The following ZNHIT3 variants were observed in gnomAD, a reference collection of about 807,000 sequenced individuals.
The protein encoded by ZNHIT3 is zinc finger HIT domain-containing protein 3.
Under a neutral mutation model 19.9 loss-of-function variants are expected in ZNHIT3, and 27 were observed. The observed-to-expected ratio is 1.36, with a 90% CI of 1.00 to 1.87. The LOEUF (loss-of-function observed/expected upper bound fraction) is 1.87. Ranked by LOEUF, ZNHIT3 falls within the 40% of genes most tolerant of loss-of-function variation. ZNHIT3 has a pLI of 0.00. For synonymous variants in ZNHIT3, 81 were observed against 65.7 expected (o/e 1.23, Z -1.13); for missense variants, 215 against 185.6 (o/e 1.16, Z -0.92).
At chr17:36,490,339 T>G (rs948639651) in intron 2 of ZNHIT3, 1 of 152,164 alleles carries the variant, frequency 6.6e-6, no homozygotes, top group Non-Finnish European at 1.5e-5. Flanking sequence ...TATTGAAGAG[T>G]GCTTTTTTCC....
intron 2 of ZNHIT3, chr17:36,490,788 A>C (rs1424402318): frequency 2.0e-5 from 3 of 152,154 alleles, no homozygotes; most frequent in Non-Finnish European, 4.4e-5. Context: ...TTTTATCAGA[A>C]ATTTCTAATA....
downstream of ZNHIT3, chr17:36,498,511 T>C (rs1189580982): frequency 1.9e-6 from 3 of 1,613,944 alleles, no homozygotes; most frequent in Admixed American, 5.0e-5. Flanking sequence ...GAGAAGTGTT[T>C]TTCTTCCACA....
chr17:36,494,786 G>A (rs78218182), intron 4 of ZNHIT3, among the ~76,000 whole-genome samples: 3,529 of 152,134 alleles, frequency 0.023, 66 homozygotes, highest in Non-Finnish European at 0.037. Context: ...AGATTATTTC[G>A]TATAGCCGTC....
In ZNHIT3 at chr17:36,495,433, G is replaced by A. The variant is rs753007355; in HGVS notation, c.*29G>A. 1.5e-5 allele frequency: 23 copies of A among 1,550,624 alleles called. No individual in the cohort carries two copies. The East Asian group carries it at 3.2e-4, about 22-fold the overall frequency. Reference sequence around the variant, plus strand: ...GGATTATTGTGCTGCTTGCTCAAGCGTGTGCTTGACTCCTGGAACCTGCCT... The same window carrying A: ...GGATTATTGTGCTGCTTGCTCAAGCATGTGCTTGACTCCTGGAACCTGCCT... On this transcript the variant is annotated 3_prime_UTR_variant, in exon 5 of 5. Transcript: ENST00000617429.
chr17:36,496,525 G>T, downstream of ZNHIT3: 1 of 886,344 alleles, frequency 1.1e-6, no homozygotes, highest in Non-Finnish European at 1.7e-6. Flanking sequence ...AGTATTGGGG[G>T]CCACAGCAGG....
chr17:36,493,820 A>G (rs1364185180), intron 3 of ZNHIT3, 106 bp from the exon 4 acceptor site: 2 of 766,994 alleles, frequency 2.6e-6, no homozygotes, highest in African/African-American at 1.7e-5. Context: ...CCCTATCACT[A>G]TCACATGTGC....
At chr17:36,486,910 C>A in intron 1 of ZNHIT3, 25 bp from the exon 2 acceptor site, 2 of 1,603,410 alleles carry the variant, frequency 1.2e-6, no homozygotes, top group Non-Finnish European at 1.7e-6. Context: ...GGGGCTGACG[C>A]GGCCTGTGGC....
Position 36,495,375 on chromosome 17 carries a change from G to C in ZNHIT3, c.439G>C (p.Val147Leu), listed in dbSNP as rs201455273. The C allele has an allele frequency of 3.8e-5, 61 of 1,609,660 alleles. No homozygotes were observed. The highest frequency in any genetic ancestry group is 5.2e-5 in the Non-Finnish European group (61 of 1,178,844). The change falls in exon 5 of 5, where the codon GTG (valine) becomes CTG (leucine). Residue 147 changes from valine (V) to leucine (L), a missense_variant. Transcript: ENST00000617429. ...VEFADCCLGI[V>L]EPSQNEES ...GTTTGCAGACTGCTGTTTAGGAATT[G>C]TGGAGCCATCCCAGAATGAGGAGTC...
At chr17:36,499,214 G>C, downstream of ZNHIT3, 1 of 1,356,154 alleles carries the variant, frequency 7.4e-7, no homozygotes, top group Non-Finnish European at 1.0e-6. Flanking sequence ...CATTAGAGCT[G>C]TCAGTGACCT....
downstream of ZNHIT3, among the ~76,000 whole-genome samples, chr17:36,496,655 A>G (rs1299807736): frequency 6.6e-6 from 1 of 152,082 alleles, no homozygotes; most frequent in Non-Finnish European, 1.5e-5. Context: ...AGGGCAAAAC[A>G]TTTACCCTTC....
At chr17:36,492,579 A>G in intron 2 of ZNHIT3, 1 of 536,132 alleles carries the variant, frequency 1.9e-6, no homozygotes, top group Non-Finnish European at 3.3e-6. Context: ...CAGGGTAGGG[A>G]GGATGGGGAC....
At chr17:36,496,415 G>T, downstream of ZNHIT3, 1 of 1,613,464 alleles carries the variant, frequency 6.2e-7, no homozygotes, top group African/African-American at 1.3e-5. Flanking sequence ...CCCTAGAGGG[G>T]AGAGAGAGAT....
chr17:36,488,435 C>CCTAAA (rs1409442085), intron 2 of ZNHIT3, among the ~76,000 whole-genome samples: 1 of 151,992 alleles, frequency 6.6e-6, no homozygotes, highest in East Asian at 1.9e-4. Context: ...ATCCCAGCTA[C>CCTAAA]TTAGGAGGCT....
At chr17:36,495,125 GAT>G in intron 4 of ZNHIT3, 96 bp from the exon 5 acceptor site, 1 of 1,434,880 alleles carries the variant, frequency 7.0e-7, no homozygotes, top group Non-Finnish European at 9.3e-7. Context: ...ACACCTTGCT[GAT>G]AGTTTTATTA....
chr17:36,495,407 T>G lies in ZNHIT3; in HGVS notation c.*3T>G. 1 of 1,594,216 alleles carries G rather than the reference T, an allele frequency of 6.3e-7. No homozygotes were observed. Among genetic ancestry groups the G allele is most frequent in the Middle Eastern group, 1.7e-4 (1 of 5,966 alleles). On this transcript the variant is annotated 3_prime_UTR_variant, in exon 5 of 5. Coordinates refer to ENST00000617429, the MANE Select transcript of ZNHIT3 (RefSeq NM_004773.4). The stretch of plus-strand genomic sequence containing the variant: ...CATCCCAGAATGAGGAGTCTTAAGA[T>G]GGATTATTGTGCTGCTTGCTCAAGC...
intron 2 of ZNHIT3, among the ~76,000 whole-genome samples, chr17:36,487,293 T>C (rs1281056090): frequency 6.6e-6 from 1 of 152,242 alleles, no homozygotes; most frequent in Non-Finnish European, 1.5e-5. Flanking sequence ...CCTAGCAGTT[T>C]CTTCCTCAGT....
At position 36,492,850 on chromosome 17, in the gene ZNHIT3, AAT is replaced by A. The variant is rs1567716150; in HGVS notation, c.158_159del (p.Ile53LysfsTer17). Reference protein sequence around the residue: ...NPETRPVEKKIRSALPTKTVK... With the variant: ...NPETRPVEKKXRSALPTKTVK... ...CTGAAACTCGTCCTGTTGAGAAAAA[AAT>A]AAGATCAGCTCTTCCTACCAAAACC... On this transcript the variant is annotated frameshift_variant, in exon 3 of 5. Transcript: ENST00000617429. LOFTEE classifies it high-confidence loss of function. The A allele has an allele frequency of 6.2e-7, 1 of 1,614,228 alleles. No homozygotes were observed. Among genetic ancestry groups the A allele is most frequent in the Non-Finnish European group, 8.5e-7 (1 of 1,180,034 alleles).
intron 2 of ZNHIT3, chr17:36,491,219 T>C (rs2070719038): frequency 6.6e-6 from 1 of 152,292 alleles, no homozygotes; most frequent in South Asian, 2.1e-4. Flanking sequence ...TCTGTGGTAT[T>C]CTCTCCTCCC....
intron 3 of ZNHIT3, among the ~76,000 whole-genome samples, 166 bp from the exon 4 acceptor site, chr17:36,493,760 T>C (rs546161530): frequency 6.6e-6 from 1 of 152,368 alleles, no homozygotes; most frequent in Admixed American, 6.5e-5. Flanking sequence ...AGTGTTAGTA[T>C]AGTCACAGAC....
Sources: allele counts gnomAD v4.1 joint callset (sites outside exome capture counted in the v4.1 genomes callset), GRCh38; gene constraint gnomAD v4.1.1; transcripts MANE v1.5; gene names NCBI Gene and HGNC (gene_info 2026-07-23, HGNC 2026-07-21).